Variants in PTPRN2 observed in about 807,000 individuals in gnomAD.
PTPRN2 encodes the protein protein tyrosine phosphatase receptor type N2, also known as receptor-type tyrosine-protein phosphatase N2.
In PTPRN2, 74 loss-of-function variants were observed where a neutral mutation model predicts 118.8. The observed-to-expected ratio is 0.62, with a 90% CI of 0.52 to 0.76. The LOEUF (loss-of-function observed/expected upper bound fraction) is 0.76. PTPRN2 is among the 30% of genes least tolerant of loss of function. The probability of loss-of-function intolerance (pLI) is 0.00; values close to 1 mark genes in which losing one functional copy is unlikely to be tolerated. For synonymous variants in PTPRN2, 641 were observed against 608.0 expected (o/e 1.05, Z -0.80); for missense variants, 1,481 against 1,394.4 (o/e 1.06, Z -0.99).
chr7:158,268,214 G>A (rs188196603), intron 3 of PTPRN2, among the ~76,000 whole-genome samples: 67 of 152,256 alleles, frequency 4.4e-4, no homozygotes, highest in Admixed American at 9.8e-4. Context: ...GCGGCCGCAC[G>A]CACACAGAGC....
At chr7:157,576,227 C>T (rs1800031437) in intron 19 of PTPRN2, among the ~76,000 whole-genome samples, 1 of 152,302 alleles carries the variant, frequency 6.6e-6, no homozygotes, top group African/African-American at 2.4e-5. Context: ...GGTATCTGGG[C>T]CTGCGCTCGC....
intron 21 of PTPRN2, among the ~76,000 whole-genome samples, chr7:157,551,516 C>G (rs1798598548): frequency 6.6e-6 from 1 of 150,886 alleles, no homozygotes; most frequent in Non-Finnish European, 1.5e-5. Flanking sequence ...CCCACACACC[C>G]CACTATCACA....
chr7:157,680,454 G>A (rs1175645046), intron 13 of PTPRN2, among the ~76,000 whole-genome samples: 1 of 152,238 alleles, frequency 6.6e-6, no homozygotes, highest in African/African-American at 2.4e-5. Flanking sequence ...ATATGGATAC[G>A]TTAATGAATT....
intron 2 of PTPRN2, among the ~76,000 whole-genome samples, chr7:158,470,541 C>T (rs934165909): frequency 1.3e-5 from 2 of 152,232 alleles, no homozygotes; most frequent in Admixed American, 6.5e-5. Context: ...GAGCACGACT[C>T]AGCGACAACA....
intron 12 of PTPRN2, among the ~76,000 whole-genome samples, chr7:157,836,780 T>C (rs999292464): frequency 2.6e-5 from 4 of 152,192 alleles, no homozygotes; most frequent in Non-Finnish European, 5.9e-5. Context: ...TGTCCTGGCC[T>C]GGACCATTTT....
chr7:158,400,321 T>C (rs1563246093), intron 2 of PTPRN2, among the ~76,000 whole-genome samples: 1 of 152,112 alleles, frequency 6.6e-6, no homozygotes, highest in East Asian at 1.9e-4. Context: ...ACCCATGCTG[T>C]CCCATCTCCC....
chr7:158,494,764 T>C (rs960141580), intron 1 of PTPRN2, among the ~76,000 whole-genome samples: 15 of 152,140 alleles, frequency 9.9e-5, no homozygotes, highest in Non-Finnish European at 1.9e-4. Flanking sequence ...TGCAGGTCTG[T>C]TGGGGAAGTT....
intron 12 of PTPRN2, among the ~76,000 whole-genome samples, chr7:157,720,049 A>T (rs1799145729): frequency 6.6e-6 from 1 of 152,216 alleles, no homozygotes; most frequent in African/African-American, 2.4e-5. Flanking sequence ...TCGACTGGAA[A>T]ATAGAGAGGA....
intron 5 of PTPRN2, among the ~76,000 whole-genome samples, chr7:158,187,174 C>A (rs1034261258): frequency 6.6e-6 from 1 of 152,106 alleles, no homozygotes; most frequent in African/African-American, 2.4e-5. Flanking sequence ...TGAGTCATCT[C>A]GCTAATGAAC....
At chr7:157,837,370 G>A (rs1403688134) in intron 12 of PTPRN2, among the ~76,000 whole-genome samples, 2 of 151,042 alleles carry the variant, frequency 1.3e-5, no homozygotes, top group African/African-American at 4.9e-5. Flanking sequence ...GTGTGCTGTG[G>A]GCCAGGCTCT....
At chr7:158,215,766 T>C (rs1367835215) in intron 3 of PTPRN2, among the ~76,000 whole-genome samples, 1 of 151,992 alleles carries the variant, frequency 6.6e-6, no homozygotes, top group Non-Finnish European at 1.5e-5. Context: ...AGTCTATCAA[T>C]CCAGATACCC....
chr7:158,275,109 C>T (rs1485529259), intron 3 of PTPRN2, among the ~76,000 whole-genome samples: 9 of 152,254 alleles, frequency 5.9e-5, no homozygotes, highest in Admixed American at 2.6e-4. Flanking sequence ...CCCCAGGGGC[C>T]GGCAGCAGTG....
Position 157,986,897 on chromosome 7 carries a change from G to A in PTPRN2, c.1724-88160C>T, listed in dbSNP as rs556921632. On this transcript the variant is annotated intron_variant, in intron 11 of 22. Transcript: ENST00000389418. This position sits in a 1 kb window ranked among gnomAD's most constrained non-coding sequence, Gnocchi z 4.5. ...GGACCCTCCAGAGTGAATCTGGAGC[G>A]AGGGGGCCCAGTGACTTTGGGGTCA... Among the ~76,000 whole-genome samples the A allele has an allele frequency of 8.5e-5, 13 of 152,148 alleles. No homozygotes were observed. The highest frequency in any genetic ancestry group is 1.2e-4 in the Non-Finnish European group (8 of 68,036).
chr7:158,279,334 G>A (rs940040247), intron 3 of PTPRN2, among the ~76,000 whole-genome samples: 13 of 152,166 alleles, frequency 8.5e-5, no homozygotes, highest in African/African-American at 3.1e-4. Flanking sequence ...ACTGATGGGT[G>A]CATTTACAAT....
At chr7:158,084,294 C>T (rs993991850) in intron 10 of PTPRN2, among the ~76,000 whole-genome samples, 54 of 151,776 alleles carry the variant, frequency 3.6e-4, no homozygotes, top group Non-Finnish European at 6.2e-4. Context: ...CCACCCCGCC[C>T]GCCACGTCTG....
chr7:157,546,767 G>T (rs1453503206), intron 22 of PTPRN2, among the ~76,000 whole-genome samples: 3 of 152,200 alleles, frequency 2.0e-5, no homozygotes, highest in African/African-American at 7.2e-5. Flanking sequence ...TGTAATGATT[G>T]TGACTGTGGC....
intron 3 of PTPRN2, among the ~76,000 whole-genome samples, chr7:158,226,975 G>A (rs532556446): frequency 6.6e-6 from 1 of 152,106 alleles, no homozygotes; most frequent in African/African-American, 2.4e-5. Flanking sequence ...GAGATGCAAA[G>A]GTTTGGGGGT....
intron 11 of PTPRN2, among the ~76,000 whole-genome samples, chr7:157,911,104 C>A (rs754239417): frequency 5.3e-5 from 8 of 152,180 alleles, no homozygotes; most frequent in Non-Finnish European, 1.0e-4. Context: ...CACTGTGGCA[C>A]AGCAAGCCAA....
intron 14 of PTPRN2, among the ~76,000 whole-genome samples, chr7:157,645,868 G>A (rs947262741): frequency 6.6e-6 from 1 of 152,226 alleles, no homozygotes; most frequent in African/African-American, 2.4e-5. Context: ...ACCAGCCCGG[G>A]ACTTGCTTGC....
Sources: allele counts gnomAD v4.1 joint callset (sites outside exome capture counted in the v4.1 genomes callset), GRCh38; gene constraint gnomAD v4.1.1; non-coding constraint Gnocchi (gnomAD v3.1); transcripts MANE v1.5; gene names NCBI Gene and HGNC (gene_info 2026-07-23, HGNC 2026-07-21).